The following CHKA variants were observed in gnomAD, a reference collection of about 807,000 sequenced individuals.
The protein encoded by CHKA is CHETK-alpha.
A neutral mutation model predicts 60.1 loss-of-function variants in CHKA; 34 were observed. The ratio of observed to expected loss-of-function variants is 0.57; its 90% CI spans 0.43 to 0.75. CHKA has a LOEUF of 0.75. CHKA is among the 30% of genes least tolerant of loss of function. CHKA has a pLI of 0.00. For missense variants in CHKA, 563 were observed against 561.3 expected (o/e 1.00, Z -0.03); for synonymous variants, 217 against 223.1 (o/e 0.97, Z 0.24).
At chr11:68,081,285 G>A in intron 3 of CHKA, 119 bp downstream of exon 3, 1 of 752,476 alleles carries the variant, frequency 1.3e-6, no homozygotes, top group Admixed American at 2.4e-5. Flanking sequence ...CCTCCTCGTA[G>A]AAAGATAGAT....
At position 68,053,855 on chromosome 11, in the gene CHKA, CAT is replaced by C. The variant is rs1855892921; in HGVS notation, c.*131_*132del. On this transcript the variant is annotated 3_prime_UTR_variant, in exon 12 of 12. Transcript: ENST00000265689. ...TCCATTTTAATACCGTCTTTAGTAT[CAT>C]ACACATGTGTTCAGTAGTGAGCCAC... 1 of 625,056 alleles carries C rather than the reference CAT, an allele frequency of 1.6e-6. No homozygotes were observed. Among genetic ancestry groups the C allele is most frequent in the African/African-American group, 1.9e-5 (1 of 53,856 alleles). 38.7% of individuals were successfully genotyped at this position (625,056 alleles called of 1,614,324 possible).
intron 1 of CHKA, 139 bp from the exon 2 acceptor site, chr11:68,097,269 C>T (rs1857544954): frequency 1.8e-6 from 1 of 548,474 alleles, no homozygotes; most frequent in African/African-American, 1.9e-5. Context: ...AATTTAACTC[C>T]ATGAGTCACA....
At chr11:68,061,440 A>C (rs1856244781) in intron 11 of CHKA, 1 of 235,772 alleles carries the variant, frequency 4.2e-6, no homozygotes, top group African/African-American at 2.3e-5. Context: ...ATGACAGCCT[A>C]GCTTGGTTAC....
At chr11:68,110,324 T>A (rs1263848272) in intron 1 of CHKA, among the ~76,000 whole-genome samples, 2 of 152,084 alleles carry the variant, frequency 1.3e-5, no homozygotes, top group African/African-American at 4.8e-5. Context: ...TAAAACTTTG[T>A]AGATGATATG....
chr11:68,075,556 C>A (rs1856759728), intron 3 of CHKA, among the ~76,000 whole-genome samples: 1 of 152,102 alleles, frequency 6.6e-6, no homozygotes, highest in Non-Finnish European at 1.5e-5. Context: ...TGGTCTTTCC[C>A]CCTTAAACAG....
chr11:68,114,973 G>A (rs913127691), intron 1 of CHKA, among the ~76,000 whole-genome samples: 5 of 152,078 alleles, frequency 3.3e-5, no homozygotes, highest in African/African-American at 1.2e-4. Context: ...ACTTATGATG[G>A]TTCAACTTAT....
At chr11:68,099,840 A>C (rs1193808118) in intron 1 of CHKA, among the ~76,000 whole-genome samples, 1 of 152,210 alleles carries the variant, frequency 6.6e-6, no homozygotes, top group African/African-American at 2.4e-5. Flanking sequence ...AAATTGTGTA[A>C]CCTGATTCAA....
chr11:68,064,319 AATTGCT>A (rs1856362254), intron 10 of CHKA, among the ~76,000 whole-genome samples, 200 bp downstream of exon 10: 1 of 152,114 alleles, frequency 6.6e-6, no homozygotes, highest in African/African-American at 2.4e-5. Flanking sequence ...GAGACAGGAG[AATTGCT>A]TGAACCCGGG....
intron 1 of CHKA, among the ~76,000 whole-genome samples, chr11:68,099,627 T>C (rs1013974886): frequency 7.0e-6 from 1 of 143,576 alleles, no homozygotes; most frequent in African/African-American, 2.6e-5. Context: ...AGCCTTAACC[T>C]TTCTGTTAAA....
At chr11:68,099,969 T>C (rs532781500) in intron 1 of CHKA, among the ~76,000 whole-genome samples, 18 of 152,352 alleles carry the variant, frequency 1.2e-4, no homozygotes, top group Admixed American at 3.9e-4. Flanking sequence ...TCAATAGGTT[T>C]TAGTGAATAA....
chr11:68,092,354 A>G (rs2134640869), intron 2 of CHKA, among the ~76,000 whole-genome samples: 1 of 152,318 alleles, frequency 6.6e-6, no homozygotes, highest in African/African-American at 2.4e-5. Context: ...ATTGTAGACC[A>G]TAAATATCTC....
intron 1 of CHKA, among the ~76,000 whole-genome samples, chr11:68,106,900 A>G (rs1387864733): frequency 2.0e-5 from 3 of 152,174 alleles, no homozygotes; most frequent in Non-Finnish European, 4.4e-5. Context: ...AATGTTTAGC[A>G]GCAACACTGC....
chr11:68,078,239 T>TA (rs1234932253), intron 3 of CHKA, among the ~76,000 whole-genome samples: 2 of 152,196 alleles, frequency 1.3e-5, no homozygotes, highest in African/African-American at 4.8e-5. Context: ...TATTTCATTT[T>TA]AAAAAGCAAT....
intron 1 of CHKA, among the ~76,000 whole-genome samples, chr11:68,109,715 G>T (rs1480612454): frequency 6.6e-6 from 1 of 152,182 alleles, no homozygotes; most frequent in Non-Finnish European, 1.5e-5. Context: ...ACCTGGGGAG[G>T]CCAAGGCAGG....
At position 68,120,823 on chromosome 11, in the gene CHKA, C is replaced by A; in HGVS notation, c.350+5G>T. 2.4e-6 allele frequency: 3 copies of A among 1,261,350 alleles called. No individual in the cohort carries two copies. The highest frequency in any genetic ancestry group is 3.0e-6 in the Non-Finnish European group (3 of 989,576). 78.1% of individuals were successfully genotyped at this position (1,261,350 alleles called of 1,614,324 possible). On this transcript the variant is annotated splice_donor_5th_base_variant and intron_variant, in intron 1 of 11. Transcript: ENST00000265689. ...CCCGCGGCCCCCAGACCCGGCGCCA[C>A]CGACCTGATGACACTGATGTGGAAC...
chr11:68,067,247 G>A (rs1486272032), intron 7 of CHKA, among the ~76,000 whole-genome samples: 4 of 152,190 alleles, frequency 2.6e-5, no homozygotes, highest in Admixed American at 2.6e-4. Context: ...GATTTCTAGT[G>A]GAGGTATAGT....
At chr11:68,080,594 C>T (rs1370932397) in intron 3 of CHKA, among the ~76,000 whole-genome samples, 1 of 152,190 alleles carries the variant, frequency 6.6e-6, no homozygotes, top group African/African-American at 2.4e-5. Context: ...GATCCACCTG[C>T]CTCAGCCTCC....
chr11:68,106,215 C>T (rs7950392), intron 1 of CHKA, among the ~76,000 whole-genome samples: 1 of 152,140 alleles, frequency 6.6e-6, no homozygotes, highest in African/African-American at 2.4e-5. Context: ...TTAACCCCCA[C>T]CTCTCTGAAA....
At chr11:68,088,670 T>C (rs539851685) in intron 2 of CHKA, among the ~76,000 whole-genome samples, 21 of 151,342 alleles carry the variant, frequency 1.4e-4, no homozygotes, top group East Asian at 1.2e-3. Context: ...CTCAGAGTTA[T>C]CATGGACCCT....
Sources: gnomAD v4.1 joint callset for allele counts (sites outside exome capture counted in the v4.1 genomes callset) on GRCh38, gnomAD v4.1.1 for gene constraint, MANE v1.5 for transcripts, NCBI Gene and HGNC (gene_info 2026-07-23, HGNC 2026-07-21) for gene names.